EIF2AK3: variants seen among roughly 807,000 people sequenced by gnomAD.
EIF2AK3 encodes the protein eukaryotic translation initiation factor 2 alpha kinase 3, also known as eukaryotic translation initiation factor 2-alpha kinase 3.
EIF2AK3 carries 50 observed loss-of-function variants against 113.5 expected under a neutral mutation model. The observed-to-expected ratio is 0.44, with a 90% CI of 0.35 to 0.56. The LOEUF (loss-of-function observed/expected upper bound fraction) is 0.56. Among genes scored for constraint, EIF2AK3 ranks in the 20% least tolerant of loss-of-function variants. The pLI is 0.00. For synonymous variants in EIF2AK3, 448 were observed against 495.4 expected (o/e 0.90, Z 1.27); for missense variants, 1,185 against 1,378.0 (o/e 0.86, Z 2.22).
chr2:88,587,950 T>A, intron 8 of EIF2AK3, 32 bp downstream of exon 8: 2 of 1,423,286 alleles, frequency 1.4e-6, no homozygotes, highest in Non-Finnish European at 1.9e-6. Flanking sequence ...AATTAAAAAA[T>A]AAAATAAATA....
chr2:88,559,196 C>T lies in EIF2AK3; in HGVS notation c.3088-217G>A, dbSNP rs564414954. ...ATATACAGCTGGTCTTCCACATCCA[C>T]AGATTCCACATCCAAGGATTCAACC... is the stretch of plus-strand genomic sequence containing the variant. On this transcript the variant is annotated intron_variant, in intron 15 of 16. Transcript: ENST00000303236. Among the ~76,000 whole-genome samples the T allele has an allele frequency of 3.9e-5, 6 of 152,276 alleles. No homozygotes were observed. The South Asian group carries it at 1.2e-3, about 32-fold the overall frequency.
chr2:88,587,024 G>A (rs543560540), intron 8 of EIF2AK3, among the ~76,000 whole-genome samples: 1 of 148,512 alleles, frequency 6.7e-6, no homozygotes, highest in South Asian at 2.3e-4. Context: ...GGCCAATATG[G>A]TGAAACCCCG....
intron 14 of EIF2AK3, among the ~76,000 whole-genome samples, chr2:88,566,883 G>A (rs984181804): frequency 3.3e-5 from 5 of 152,260 alleles, no homozygotes; most frequent in African/African-American, 1.2e-4. Context: ...AGGAGGCAGA[G>A]GCTACAGTGA....
In EIF2AK3 at chr2:88,575,087, C is replaced by A; in HGVS notation, c.2396G>T (p.Arg799Met). Residue 799 changes from arginine (R) to methionine (M), a missense_variant, in exon 13 of 17, where the codon AGG (arginine) becomes ATG (methionine). Physicochemically the swap from Arg to Met is moderately conservative, Grantham distance 91. Around this residue, in one of 3 missense-constraint regions of EIF2AK3, gnomAD observed 877 missense variants for 1,024.2 expected, o/e 0.86. Transcript: ENST00000303236. Reference sequence around the variant, plus strand: ...TACTATTGAAGAGGAGGTTCTCTCCCTTGACCTTACATAAGGAGAAGCTTC... The same window carrying A: ...TACTATTGAAGAGGAGGTTCTCTCCATTGACCTTACATAAGGAGAAGCTTC... ...PSEASPYVRS[R>M]ERTSSSIVFE... 1 of 1,614,170 alleles carries A rather than the reference C, an allele frequency of 6.2e-7. No individual in the cohort carries two copies. The highest frequency in any genetic ancestry group is 1.6e-4 in the Middle Eastern group (1 of 6,062).
chr2:88,595,387 T>C, intron 3 of EIF2AK3, 82 bp downstream of exon 3: 1 of 1,329,162 alleles, frequency 7.5e-7, no homozygotes, highest in South Asian at 1.3e-5. Flanking sequence ...ACTCAACTAA[T>C]AATAAGTGTA....
chr2:88,566,481 TTTAC>T (rs1458238622), intron 14 of EIF2AK3, among the ~76,000 whole-genome samples: 4 of 152,188 alleles, frequency 2.6e-5, no homozygotes, highest in African/African-American at 9.7e-5. Context: ...TATGAGTATT[TTTAC>T]TTCATTATTG....
At chr2:88,617,655 G>T (rs984178164) in intron 1 of EIF2AK3, among the ~76,000 whole-genome samples, 3 of 151,672 alleles carry the variant, frequency 2.0e-5, no homozygotes, top group Admixed American at 1.3e-4. Flanking sequence ...TACTCAGGAG[G>T]CTAAGGCAGG....
At chr2:88,560,043 G>T (rs1239471910) in intron 15 of EIF2AK3, among the ~76,000 whole-genome samples, 1 of 152,114 alleles carries the variant, frequency 6.6e-6, no homozygotes, top group Non-Finnish European at 1.5e-5. Flanking sequence ...TTCCAAAGCA[G>T]CTGCACCATT....
At chr2:88,591,881 G>C (rs1014524360) in intron 4 of EIF2AK3, among the ~76,000 whole-genome samples, 3 of 152,046 alleles carry the variant, frequency 2.0e-5, no homozygotes, top group Non-Finnish European at 2.9e-5. Flanking sequence ...CTCCCAGTAA[G>C]CACTCAAACA....
chr2:88,619,040 G>A (rs1156592235), intron 1 of EIF2AK3, among the ~76,000 whole-genome samples: 4 of 147,562 alleles, frequency 2.7e-5, no homozygotes, highest in African/African-American at 5.0e-5. Flanking sequence ...TTGCTCTGTC[G>A]CCCAATGGTA....
intron 2 of EIF2AK3, among the ~76,000 whole-genome samples, chr2:88,597,653 A>G (rs1213752218): frequency 6.6e-6 from 1 of 152,198 alleles, no homozygotes; most frequent in Admixed American, 6.6e-5. Context: ...ATCCTTCTGT[A>G]CCAACTTTGT....
intron 4 of EIF2AK3, 26 bp from the exon 5 acceptor site, chr2:88,591,078 G>C: frequency 6.3e-7 from 1 of 1,597,926 alleles, no homozygotes; most frequent in Admixed American, 1.7e-5. Flanking sequence ...GTGTGTTTTA[G>C]AAATTTACAT....
chr2:88,582,367 C>A (rs1674621510), intron 10 of EIF2AK3, among the ~76,000 whole-genome samples: 1 of 152,186 alleles, frequency 6.6e-6, no homozygotes, highest in Admixed American at 6.5e-5. Flanking sequence ...AAAACTACAA[C>A]AATCCAATCC....
At chr2:88,595,206 CAAAAAAAAAAAAA>C in intron 3 of EIF2AK3, among the ~76,000 whole-genome samples, 1 of 59,456 alleles carries the variant, frequency 1.7e-5, no homozygotes, top group East Asian at 5.6e-4. Flanking sequence ...GACTCTGTCT[CAAAAAAAAAAAAA>C]AAAAAAAAAA....
chr2:88,594,051 T>G, intron 3 of EIF2AK3: 3 of 518,572 alleles, frequency 5.8e-6, no homozygotes, highest in Non-Finnish European at 7.4e-6. Context: ...CCAGATAGGA[T>G]GGCATGGCCT....
intron 10 of EIF2AK3, among the ~76,000 whole-genome samples, chr2:88,583,202 GAACTT>G (rs1674639527): frequency 6.6e-6 from 1 of 151,986 alleles, no homozygotes; most frequent in South Asian, 2.1e-4. Context: ...ACTTGAATAA[GAACTT>G]AATTTGGTAG....
rs1461285345 is a variant in EIF2AK3 at position 88,571,808 on chromosome 2, A to G, written c.2818-767T>C. Among the ~76,000 whole-genome samples the G allele has an allele frequency of 4.6e-5, 7 of 152,158 alleles. No homozygotes were observed. The East Asian group carries it at 7.7e-4, about 17-fold the overall frequency. ...CTATGCTGCCTCTCGTAAAACCTCTATGTTCTCAAGACTATATCTACTCCC... is the reference window on the plus strand; with the variant it reads ...CTATGCTGCCTCTCGTAAAACCTCTGTGTTCTCAAGACTATATCTACTCCC... On this transcript the variant is annotated intron_variant, in intron 13 of 16. Coordinates refer to ENST00000303236, the MANE Select transcript of EIF2AK3 (RefSeq NM_004836.7).
chr2:88,583,929 C>A (rs1411941885), intron 9 of EIF2AK3, among the ~76,000 whole-genome samples: 1 of 151,944 alleles, frequency 6.6e-6, no homozygotes, highest in African/African-American at 2.4e-5. Flanking sequence ...GTAACAATAA[C>A]AACAACAACA....
chr2:88,578,615 A>G (rs7593335), intron 11 of EIF2AK3, among the ~76,000 whole-genome samples: 114,017 of 151,520 alleles, frequency 0.75, 43,867 homozygotes, highest in African/African-American at 0.91. Context: ...CAGGGAGGCA[A>G]AGGTTGCAGA....
Sources: allele counts gnomAD v4.1 joint callset (sites outside exome capture counted in the v4.1 genomes callset), GRCh38; gene constraint gnomAD v4.1.1; regional missense constraint gnomAD v4.1.1; transcripts MANE v1.5; gene names NCBI Gene and HGNC (gene_info 2026-07-23, HGNC 2026-07-21).